ARPP21: variants seen among roughly 807,000 people sequenced by gnomAD.
ARPP21 encodes the protein cAMP regulated phosphoprotein 21.
Under a neutral mutation model 113.2 loss-of-function variants are expected in ARPP21, and 69 were observed. That is an observed-to-expected ratio of 0.61 (90% CI 0.50 to 0.74). The LOEUF (loss-of-function observed/expected upper bound fraction) is 0.74. ARPP21 is among the 30% of genes least tolerant of loss of function. ARPP21 has a pLI of 0.00. For synonymous variants in ARPP21, 368 were observed against 375.5 expected, an observed-to-expected ratio of 0.98 and a Z score of 0.23; for missense variants, 1,070 against 1,037.4, an observed-to-expected ratio of 1.03 and a Z score of -0.43.
chr3:35,762,117 C>CTCTT (rs2095801564), intron 19 of ARPP21, among the ~76,000 whole-genome samples: 1 of 147,648 alleles, frequency 6.8e-6, no homozygotes, highest in African/African-American at 2.5e-5. Context: ...CTCTCTCTCT[C>CTCTT]TCTCTCTCTC....
At position 35,733,605 on chromosome 3, in the gene ARPP21, C is replaced by A. The variant is rs566028792; in HGVS notation, c.1460-3573C>A. Among the ~76,000 whole-genome samples, 3 of 152,330 alleles carry A rather than the reference C, an allele frequency of 2.0e-5. No individual in the cohort carries two copies. In the South Asian group the frequency reaches 6.2e-4, roughly 32 times the overall value. ...TAATTGCTTGTATTCAGTGTAATTG[C>A]ATCTGGATTGGTAGAAATCATGGAA... is the stretch of plus-strand genomic sequence containing the variant. On this transcript the variant is annotated intron_variant, in intron 15 of 20. Transcript: ENST00000684406.
chr3:35,776,250 C>G (rs1034921756), intron 19 of ARPP21, among the ~76,000 whole-genome samples: 1 of 152,014 alleles, frequency 6.6e-6, no homozygotes, highest in Non-Finnish European at 1.5e-5. Flanking sequence ...AAAAAAATCA[C>G]TTGCTCAATC....
chr3:35,664,327 A>G (rs1025063144), intron 1 of ARPP21, among the ~76,000 whole-genome samples: 3 of 152,266 alleles, frequency 2.0e-5, no homozygotes, highest in African/African-American at 7.2e-5. Flanking sequence ...TCTTCTCGCT[A>G]TTTGGAAATA....
chr3:35,762,126 TCACACACACACACA>T (rs371775285), intron 19 of ARPP21, among the ~76,000 whole-genome samples: 1 of 127,036 alleles, frequency 7.9e-6, no homozygotes, highest in East Asian at 2.4e-4. Context: ...TCTCTCTCTC[TCACACACACACACA>T]CACACACACA....
In ARPP21 at chr3:35,743,915, A is replaced by G. The variant is rs1159556187; in HGVS notation, c.2087A>G (p.Gln696Arg). 1 of 1,613,990 alleles carries G rather than the reference A, an allele frequency of 6.2e-7. No individual in the cohort carries two copies. The highest frequency in any genetic ancestry group is 8.5e-7 in the Non-Finnish European group (1 of 1,179,930). Residue 696 changes from glutamine to arginine, a missense_variant, in exon 19 of 21, where the codon CAG becomes CGG. Coordinates refer to ENST00000684406, the MANE Select transcript of ARPP21 (RefSeq NM_001385562.1). ...TQQYRPMAPV[Q>R]YNAQRSQQMP... ...CAGTACCGGCCCATGGCCCCGGTTC[A>G]GTACAACGCTCAGAGGAGTCAACAG...
rs1559547262 is a variant in ARPP21 at position 35,667,841 on chromosome 3, A to AAGAAGAAAAGAAG, written c.-212-11945_-212-11944insGAAGAAAAGAAGA. On this transcript the variant is annotated intron_variant, in intron 1 of 20. Coordinates refer to ENST00000684406, the MANE Select transcript of ARPP21 (RefSeq NM_001385562.1). ...GATCACCTGCAGTACTTTTATTCTC[A>AAGAAGAAAAGAAG]AAGAAGAAGAAGAAGAAGAAGAAGA... 3.8e-3 allele frequency among the ~76,000 whole-genome samples: 312 copies of AAGAAGAAAAGAAG among 81,488 alleles called. 9 individuals carry two copies. Among genetic ancestry groups the AAGAAGAAAAGAAG allele is most frequent in the South Asian group, 5.1e-3 (11 of 2,170 alleles). 53.5% of individuals were successfully genotyped at this position (81,488 alleles called of 152,430 possible).
chr3:35,691,594 T>G (rs989785420), intron 9 of ARPP21, among the ~76,000 whole-genome samples: 5 of 151,616 alleles, frequency 3.3e-5, no homozygotes, highest in African/African-American at 1.2e-4. Flanking sequence ...AAGACTTAGC[T>G]CTAAAAAGAG....
intron 5 of ARPP21, chr3:35,684,629 G>A (rs2080008525): frequency 2.0e-6 from 2 of 985,264 alleles, no homozygotes; most frequent in African/African-American, 1.7e-5. Context: ...TGAGCCCAGG[G>A]GAGGGAAAAT....
intron 10 of ARPP21, among the ~76,000 whole-genome samples, chr3:35,708,174 T>G (rs1234766459): frequency 6.6e-6 from 1 of 152,094 alleles, no homozygotes; most frequent in South Asian, 2.1e-4. Context: ...TCATGTTTAG[T>G]GGGTGTCTGT....
At position 35,721,775 on chromosome 3, in the gene ARPP21, T is replaced by C. The variant is rs1027752077; in HGVS notation, c.1166T>C (p.Val389Ala). ...TKTASFGGIT[V>A]LTRGDSTSST... ...ACGGCGAGTTTTGGGGGCATCACGG[T>C]GCTGACCAGGGGTGACAGCACTTCC... The change falls in exon 14 of 21, where the codon GTG (valine) becomes GCG (alanine). Residue 389 changes from valine to alanine, a missense_variant. Physicochemically the swap from Val to Ala is moderately conservative, Grantham distance 64. Transcript: ENST00000684406. 1.2e-6 allele frequency: 2 copies of C among 1,613,600 alleles called. No homozygotes were observed. Among genetic ancestry groups the C allele is most frequent in the Middle Eastern group, 1.6e-4 (1 of 6,062 alleles).
At chr3:35,654,084 AC>A (rs1703691255) in intron 1 of ARPP21, among the ~76,000 whole-genome samples, 1 of 152,004 alleles carries the variant, frequency 6.6e-6, no homozygotes, top group Non-Finnish European at 1.5e-5. Context: ...TCTTTAGGGG[AC>A]CCAGTGATTC....
intron 19 of ARPP21, among the ~76,000 whole-genome samples, chr3:35,786,886 G>A (rs947063177): frequency 2.0e-5 from 3 of 152,118 alleles, no homozygotes; most frequent in African/African-American, 7.2e-5. Context: ...TGAGGCATAA[G>A]GCAGTGACTC....
Position 35,717,306 on chromosome 3 carries a change from T to C in ARPP21, c.944T>C (p.Leu315Ser), listed in dbSNP as rs751825700. The C allele has an allele frequency of 3.1e-5, 50 of 1,601,744 alleles. No homozygotes were observed. Among genetic ancestry groups the C allele is most frequent in the African/African-American group, 4.0e-5 (3 of 74,638 alleles). ...ATGTTTTTCATTTCCAGTAGGCTCT[T>C]GGAAGACAGTAACATATGCAATGAG... Reference protein sequence around the residue: ...ESLFVENSRLLEDSNICNETY... With the variant: ...ESLFVENSRLSEDSNICNETY... The change falls in exon 13 of 21, where the codon TTG becomes TCG. Residue 315 changes from leucine to serine, a missense_variant. Leu to Ser is a moderately radical substitution (Grantham distance 145, BLOSUM62 -2). Transcript: ENST00000684406.
In ARPP21 at chr3:35,793,806, C is replaced by T; in HGVS notation, c.2392C>T (p.Pro798Ser). The T allele has an allele frequency of 1.2e-6, 2 of 1,614,140 alleles. No individual in the cohort carries two copies. Among genetic ancestry groups the T allele is most frequent in the Non-Finnish European group, 1.7e-6 (2 of 1,180,008 alleles). ...GQGSLPATGM[P>S]VYCNVTPPTP... is the part of the protein sequence containing the mutation. ...AGGGTCACTCCCAGCCACTGGAATG[C>T]CTGTTTACTGTAATGTCACACCGCC... is the stretch of plus-strand genomic sequence containing the variant. Residue 798 changes from proline (P) to serine (S), a missense_variant, in exon 21 of 21, where the codon CCT becomes TCT. Coordinates refer to ENST00000684406, the MANE Select transcript of ARPP21 (RefSeq NM_001385562.1).
chr3:35,669,848 C>T (rs901340669), intron 1 of ARPP21, among the ~76,000 whole-genome samples: 1 of 152,110 alleles, frequency 6.6e-6, no homozygotes, highest in Admixed American at 6.6e-5. Context: ...ATTGTAGAAT[C>T]CATAAATAAA....
chr3:35,769,579 G>C (rs145771312), intron 19 of ARPP21, among the ~76,000 whole-genome samples: 4 of 152,094 alleles, frequency 2.6e-5, no homozygotes, highest in African/African-American at 9.7e-5. Flanking sequence ...TCCTGAGTTC[G>C]CTATCTTTTG....
chr3:35,717,177 C>A, intron 12 of ARPP21, 121 bp from the exon 13 acceptor site: 2 of 571,562 alleles, frequency 3.5e-6, no homozygotes, highest in Non-Finnish European at 6.4e-6. Context: ...AATTCAACAT[C>A]ATATAAATAA....
intron 1 of ARPP21, among the ~76,000 whole-genome samples, chr3:35,671,829 G>T (rs574701927): frequency 2.0e-5 from 3 of 152,012 alleles, no homozygotes; most frequent in African/African-American, 7.2e-5. Flanking sequence ...ATATAAGCAA[G>T]GCCTAGATGT....
intron 18 of ARPP21, 140 bp downstream of exon 18, chr3:35,739,717 A>G: frequency 1.6e-6 from 2 of 1,215,992 alleles, no homozygotes; most frequent in Non-Finnish European, 2.2e-6. Flanking sequence ...AACAGGAAGT[A>G]GTATATTTTT....
Sources: allele counts gnomAD v4.1 joint callset (sites outside exome capture counted in the v4.1 genomes callset), GRCh38; gene constraint gnomAD v4.1.1; transcripts MANE v1.5; gene names NCBI Gene and HGNC (gene_info 2026-07-23, HGNC 2026-07-21).